The following TRIO variants were observed in gnomAD, a reference collection of about 807,000 sequenced individuals.
TRIO encodes triple functional domain protein.
In TRIO, 58 loss-of-function variants were observed where a neutral mutation model predicts 351.9. That is an observed-to-expected ratio of 0.16 (90% CI 0.13 to 0.21). The LOEUF (loss-of-function observed/expected upper bound fraction) is 0.21, where lower values mean the gene tolerates loss of function less well. TRIO is among the 10% of genes least tolerant of loss of function. The pLI is 1.00. For missense variants in TRIO, 3,201 were observed against 4,027.8 expected (o/e 0.79, Z 5.56); for synonymous variants, 1,758 against 1,595.7 (o/e 1.10, Z -2.42).
At chr5:14,455,309 G>A (rs1206817225) in intron 34 of TRIO, among the ~76,000 whole-genome samples, 4 of 152,204 alleles carry the variant, frequency 2.6e-5, no homozygotes, top group Non-Finnish European at 5.9e-5. Flanking sequence ...TTTTGACAGG[G>A]TGCTGATTGG....
At chr5:14,399,730 A>G (rs1470389155) in intron 30 of TRIO, among the ~76,000 whole-genome samples, 1 of 152,170 alleles carries the variant, frequency 6.6e-6, no homozygotes, top group East Asian at 1.9e-4. Flanking sequence ...GGCTAGCCTT[A>G]CCAGCCTCCC....
At chr5:14,477,153 A>G in intron 41 of TRIO, 190 bp downstream of exon 41, 1 of 555,684 alleles carries the variant, frequency 1.8e-6, no homozygotes, top group Non-Finnish European at 3.1e-6. Flanking sequence ...TTTCCCAGTC[A>G]CCTGGCTGAA....
intron 1 of TRIO, among the ~76,000 whole-genome samples, chr5:14,247,772 A>G (rs1343009619): frequency 6.6e-6 from 1 of 152,238 alleles, no homozygotes; most frequent in African/African-American, 2.4e-5. Flanking sequence ...AAGCAGAAGA[A>G]ATATAGACCA....
intron 52 of TRIO, 62 bp from the exon 53 acceptor site, chr5:14,498,457 C>T: frequency 6.3e-7 from 1 of 1,574,816 alleles, no homozygotes; most frequent in Non-Finnish European, 8.6e-7. Context: ...AGGAGGAGGC[C>T]AGCGCTGATG....
In TRIO at chr5:14,379,385, A is replaced by G. The variant is rs187445408; in HGVS notation, c.3447+1258A>G. Among the ~76,000 whole-genome samples the G allele has an allele frequency of 1.3e-3, 193 of 152,340 alleles. 1 individual carries two copies. Among genetic ancestry groups the G allele is most frequent in the African/African-American group, 4.6e-3 (191 of 41,566 alleles). On this transcript the variant is annotated intron_variant, in intron 20 of 56. Transcript: ENST00000344204. ...GCTCTTGTTCCAATCTGAAAAATGT[A>G]AGTCTAGAAGGACGCAGCCCATGCT...
chr5:14,502,080 G>A (rs1203467563), intron 53 of TRIO, among the ~76,000 whole-genome samples: 1 of 152,150 alleles, frequency 6.6e-6, no homozygotes, highest in Non-Finnish European at 1.5e-5. Flanking sequence ...AAAACCCTGT[G>A]GACGTTAAGT....
At chr5:14,329,637 A>G (rs967404501) in intron 9 of TRIO, among the ~76,000 whole-genome samples, 2 of 152,260 alleles carry the variant, frequency 1.3e-5, no homozygotes, top group African/African-American at 4.8e-5. Flanking sequence ...GAGTTACAAC[A>G]TGCAAAGTAT....
intron 48 of TRIO, chr5:14,489,157 C>G (rs1356060365): frequency 8.2e-6 from 5 of 611,770 alleles, no homozygotes; most frequent in Non-Finnish European, 1.2e-5. Context: ...CTGTGTCTCT[C>G]TTTATATTAA....
chr5:14,481,896 G>GT (rs564943379), intron 45 of TRIO: 133 of 365,794 alleles, frequency 3.6e-4, no homozygotes, highest in African/African-American at 2.8e-3. Flanking sequence ...GCCCAGTACT[G>GT]TAAGAGCTGA....
chr5:14,280,245 G>T, intron 2 of TRIO, 77 bp from the exon 3 acceptor site: 1 of 1,402,720 alleles, frequency 7.1e-7, no homozygotes, highest in South Asian at 1.2e-5. Flanking sequence ...GAATAATTTT[G>T]ACAGAGTGAA....
rs368532698 is a variant in TRIO, at chr5:14,419,864, C to A, written c.5046C>A (p.Thr1682=). ...AGCTGACCATCCGACGGGGCCAGAC[C>A]GTGGAAGTTCTGGAGCGGCCGCATG... ...SNELTIRRGQ[T]VEVLERPHDK... Residue 1682 remains threonine (T), a synonymous_variant, in exon 34 of 57, where the codon ACC becomes ACA. Transcript: ENST00000344204. The A allele has an allele frequency of 3.1e-6, 5 of 1,614,192 alleles. No homozygotes were observed. The South Asian group carries it at 4.4e-5, about 14-fold the overall frequency.
intron 11 of TRIO, among the ~76,000 whole-genome samples, chr5:14,346,022 C>T (rs778479442): frequency 2.0e-5 from 3 of 152,152 alleles, no homozygotes; most frequent in Admixed American, 6.5e-5. Context: ...TACTGATCTT[C>T]GTTGTTCTTA....
At chr5:14,251,754 G>C (rs994413504) in intron 1 of TRIO, among the ~76,000 whole-genome samples, 2 of 152,214 alleles carry the variant, frequency 1.3e-5, no homozygotes, top group Non-Finnish European at 2.9e-5. Context: ...CACCTGCAGA[G>C]GGAAGGTGTG....
In TRIO at chr5:14,461,296, C is replaced by G; in HGVS notation, c.5481C>G (p.Asp1827Glu). The G allele has an allele frequency of 6.3e-7, 1 of 1,579,856 alleles. No individual in the cohort carries two copies. The highest frequency in any genetic ancestry group is 1.2e-5 in the South Asian group (1 of 86,786). ...ACGACAGTGCGGCCACCCCGCAGGA[C>G]GAGACGGTCGAGGAGGTGAGGCTCT... The part of the protein sequence containing the change: ...DSDDSAATPQ[D>E]ETVEERGRNE... Residue 1827 changes from aspartate to glutamate, a missense_variant, in exon 35 of 57, where the codon GAC (aspartate) becomes GAG (glutamate). Asp to Glu is a conservative substitution (Grantham distance 45). Coordinates refer to ENST00000344204, the MANE Select transcript of TRIO (RefSeq NM_007118.4).
At chr5:14,409,695 G>A (rs749977712) in intron 33 of TRIO, among the ~76,000 whole-genome samples, 13 of 152,012 alleles carry the variant, frequency 8.6e-5, no homozygotes, top group Non-Finnish European at 1.3e-4. Flanking sequence ...TTAGTCGAGC[G>A]TGGTGGTGGG....
At chr5:14,387,065 G>T (rs1746607944) in intron 21 of TRIO, among the ~76,000 whole-genome samples, 1 of 152,228 alleles carries the variant, frequency 6.6e-6, no homozygotes, top group Non-Finnish European at 1.5e-5. Flanking sequence ...ATAGAGCGAG[G>T]AGCTGTCTTT....
At chr5:14,200,335 T>C (rs1380545317) in intron 1 of TRIO, among the ~76,000 whole-genome samples, 2 of 152,210 alleles carry the variant, frequency 1.3e-5, no homozygotes, top group East Asian at 3.9e-4. Flanking sequence ...GCCCATGATG[T>C]AAGTCCCCCC....
chr5:14,277,137 G>A (rs1310893789), intron 2 of TRIO, among the ~76,000 whole-genome samples: 2 of 152,174 alleles, frequency 1.3e-5, no homozygotes, highest in Non-Finnish European at 2.9e-5. Context: ...TCTTAAATCA[G>A]CGAATGAAAC....
At chr5:14,233,578 T>G (rs1005792511) in intron 1 of TRIO, among the ~76,000 whole-genome samples, 3 of 152,088 alleles carry the variant, frequency 2.0e-5, no homozygotes, top group African/African-American at 7.2e-5. Context: ...TATTATTATC[T>G]TATTAATACA....
Sources: allele counts gnomAD v4.1 joint callset (sites outside exome capture counted in the v4.1 genomes callset), GRCh38; gene constraint gnomAD v4.1.1; transcripts MANE v1.5; gene names NCBI Gene and HGNC (gene_info 2026-07-23, HGNC 2026-07-21).